ANKS1B: variants seen among roughly 807,000 people sequenced by gnomAD.
ANKS1B encodes the protein ankyrin repeat and sterile alpha motif domain-containing protein 1B.
ANKS1B carries 36 observed loss-of-function variants against 148.3 expected under a neutral mutation model. The observed-to-expected ratio is 0.24, with a 90% CI of 0.19 to 0.32. ANKS1B has a LOEUF of 0.32. ANKS1B is among the 10% of genes least tolerant of loss of function. The pLI is 1.00. For synonymous variants in ANKS1B, 542 were observed against 560.8 expected (o/e 0.97, Z 0.47); for missense variants, 1,157 against 1,542.6 (o/e 0.75, Z 4.19).
chr12:98,787,599 A>T (rs572412207), intron 22 of ANKS1B, among the ~76,000 whole-genome samples: 1 of 152,250 alleles, frequency 6.6e-6, no homozygotes, highest in South Asian at 2.1e-4. Flanking sequence ...GAATTAATGT[A>T]TCGTAACAAG....
intron 10 of ANKS1B, among the ~76,000 whole-genome samples, chr12:99,502,223 T>A (rs555139960): frequency 1.8e-4 from 27 of 152,304 alleles, no homozygotes; most frequent in African/African-American, 6.5e-4. Flanking sequence ...TGCATTTTCC[T>A]ATTTTAATGA....
chr12:99,097,422 C>T (rs2056561665), intron 15 of ANKS1B: 3 of 152,064 alleles, frequency 2.0e-5, no homozygotes, highest in Admixed American at 2.0e-4. Context: ...TCCCATATGG[C>T]TCGAAAATAT....
intron 12 of ANKS1B, among the ~76,000 whole-genome samples, chr12:99,282,167 G>C (rs1319127193): frequency 6.6e-6 from 1 of 152,184 alleles, no homozygotes; most frequent in Non-Finnish European, 1.5e-5. Flanking sequence ...AGCCATGTTT[G>C]AGTAGAGAAC....
chr12:99,514,877 G>A (rs566481835), intron 9 of ANKS1B, among the ~76,000 whole-genome samples: 1 of 152,060 alleles, frequency 6.6e-6, no homozygotes, highest in South Asian at 2.1e-4. Flanking sequence ...TAATAGGCAA[G>A]AGGGATTAAA....
chr12:98,928,301 C>A (rs1351081711), intron 17 of ANKS1B, among the ~76,000 whole-genome samples: 6 of 149,588 alleles, frequency 4.0e-5, no homozygotes, highest in Non-Finnish European at 8.9e-5. Context: ...AAAAAAAAAA[C>A]TTCCCACAAA....
chr12:99,378,798 A>C (rs1331458966), intron 12 of ANKS1B, among the ~76,000 whole-genome samples: 1 of 152,252 alleles, frequency 6.6e-6, no homozygotes, highest in Non-Finnish European at 1.5e-5. Flanking sequence ...ATAACAATAA[A>C]GAAAAGATTA....
At chr12:99,060,250 T>C (rs2041945393) in intron 16 of ANKS1B, among the ~76,000 whole-genome samples, 2 of 152,042 alleles carry the variant, frequency 1.3e-5, no homozygotes, top group African/African-American at 2.4e-5. Context: ...CAAATGACTT[T>C]CCTCCAGGAG....
intron 9 of ANKS1B, among the ~76,000 whole-genome samples, chr12:99,646,534 G>C (rs930723967): frequency 4.6e-5 from 7 of 151,224 alleles, no homozygotes; most frequent in Admixed American, 1.3e-4. Context: ...CACGCCTGTA[G>C]TCCCAGCTAC....
chr12:99,952,948 T>C (rs2095252796), intron 1 of ANKS1B, among the ~76,000 whole-genome samples: 1 of 152,316 alleles, frequency 6.6e-6, no homozygotes, highest in East Asian at 1.9e-4. Context: ...ACATGGTCTA[T>C]AGACACTCTC....
At chr12:99,039,082 T>C (rs141995036) in intron 17 of ANKS1B, among the ~76,000 whole-genome samples, 111 of 152,354 alleles carry the variant, frequency 7.3e-4, no homozygotes, top group African/African-American at 2.5e-3. Flanking sequence ...ATAGTAGGTG[T>C]TCAGTAAATA....
intron 1 of ANKS1B, among the ~76,000 whole-genome samples, chr12:99,969,397 T>A (rs1249446026): frequency 6.6e-6 from 1 of 152,178 alleles, no homozygotes; most frequent in Non-Finnish European, 1.5e-5. Context: ...TTGCCCAGCC[T>A]GGTCTTGAAC....
At chr12:98,780,385 C>T (rs955523356) in intron 24 of ANKS1B, among the ~76,000 whole-genome samples, 1 of 152,170 alleles carries the variant, frequency 6.6e-6, no homozygotes, top group Admixed American at 6.5e-5. Context: ...AATGGTCACA[C>T]CCAAGCTTTC....
At position 99,484,816 on chromosome 12, in the gene ANKS1B, T is replaced by C. The variant is rs73375743; in HGVS notation, c.1438+19660A>G. On this transcript the variant is annotated intron_variant, in intron 10 of 26. Transcript: ENST00000683438. ...GTGCTTTGAAGTCAGTTTTGTTTGA[T>C]ATAAGACTAGCTACTCCTGCTTGCT... Among the ~76,000 whole-genome samples, 753 of 150,072 alleles carry C rather than the reference T, an allele frequency of 5.0e-3. 6 individuals are homozygous for C. The highest frequency in any genetic ancestry group is 0.018 in the African/African-American group (717 of 40,776).
chr12:99,164,582 T>C (rs1372645685), intron 14 of ANKS1B, among the ~76,000 whole-genome samples: 2 of 152,228 alleles, frequency 1.3e-5, no homozygotes, highest in Non-Finnish European at 2.9e-5. Context: ...CTATGATTAT[T>C]TGAAAATAAG....
At chr12:98,980,549 T>G (rs1404364170) in intron 17 of ANKS1B, among the ~76,000 whole-genome samples, 1 of 152,210 alleles carries the variant, frequency 6.6e-6, no homozygotes, top group African/African-American at 2.4e-5. Flanking sequence ...TTCCATTATC[T>G]CTGTCATTTC....
intron 2 of ANKS1B, among the ~76,000 whole-genome samples, chr12:99,814,961 G>C (rs1261040412): frequency 6.6e-6 from 1 of 151,658 alleles, no homozygotes; most frequent in Non-Finnish European, 1.5e-5. Flanking sequence ...GTAGAATTTA[G>C]CCTACTACAA....
intron 12 of ANKS1B, among the ~76,000 whole-genome samples, chr12:99,311,132 T>C (rs937053944): frequency 1.3e-5 from 2 of 152,230 alleles, no homozygotes; most frequent in African/African-American, 4.8e-5. Flanking sequence ...GGTGGAACTA[T>C]TACAAATTTC....
intron 1 of ANKS1B, among the ~76,000 whole-genome samples, chr12:99,865,095 G>C (rs2153722365): frequency 6.6e-6 from 1 of 152,272 alleles, no homozygotes; most frequent in African/African-American, 2.4e-5. Context: ...GATAGGTATT[G>C]GTGTCCTACA....
chr12:99,639,866 C>T (rs182746293), intron 9 of ANKS1B, among the ~76,000 whole-genome samples: 1 of 152,204 alleles, frequency 6.6e-6, no homozygotes, highest in African/African-American at 2.4e-5. Context: ...ACTAGAACAA[C>T]CTCTTAACAA....
Sources: allele counts gnomAD v4.1 joint callset (sites outside exome capture counted in the v4.1 genomes callset), GRCh38; gene constraint gnomAD v4.1.1; transcripts MANE v1.5; gene names NCBI Gene and HGNC (gene_info 2026-07-23, HGNC 2026-07-21).